Variants in KCNT2 observed in about 807,000 individuals in gnomAD.
KCNT2 encodes potassium sodium-activated channel subfamily T member 2.
Under a neutral mutation model 153.8 loss-of-function variants are expected in KCNT2, and 67 were observed. The observed-to-expected ratio is 0.44, with a 90% CI of 0.36 to 0.53. The LOEUF is 0.53. KCNT2 is among the 20% of genes least tolerant of loss of function. KCNT2 has a pLI of 0.00. For synonymous variants in KCNT2, 500 were observed against 458.8 expected (o/e 1.09, Z -1.15); for missense variants, 975 against 1,354.8 (o/e 0.72, Z 4.40).
chr1:196,567,849 AC>A (rs1660295629), intron 1 of KCNT2, among the ~76,000 whole-genome samples: 1 of 152,198 alleles, frequency 6.6e-6, no homozygotes, highest in African/African-American at 2.4e-5. Flanking sequence ...CAGTACTGGA[AC>A]CTTTCTTTAT....
chr1:196,431,583 G>C (rs1032192437), intron 8 of KCNT2, among the ~76,000 whole-genome samples: 1 of 152,174 alleles, frequency 6.6e-6, no homozygotes, highest in African/African-American at 2.4e-5. Flanking sequence ...TTACAAAGTG[G>C]TAAAACTTGG....
intron 25 of KCNT2, among the ~76,000 whole-genome samples, chr1:196,267,826 G>A (rs1319366879): frequency 6.6e-6 from 1 of 152,072 alleles, no homozygotes; most frequent in African/African-American, 2.4e-5. Context: ...ATAGGAAAGG[G>A]CCAAACTTGG....
intron 5 of KCNT2, among the ~76,000 whole-genome samples, chr1:196,470,244 C>A (rs1572562537): frequency 6.6e-6 from 1 of 152,146 alleles, no homozygotes; most frequent in South Asian, 2.1e-4. Flanking sequence ...GGAACCAAAC[C>A]ACTTAACTTG....
At chr1:196,414,438 G>A (rs1054181857) in intron 12 of KCNT2, among the ~76,000 whole-genome samples, 1 of 151,674 alleles carries the variant, frequency 6.6e-6, no homozygotes, top group Non-Finnish European at 1.5e-5. Context: ...TGTTATTCTT[G>A]GAATTGAGGC....
intron 25 of KCNT2, among the ~76,000 whole-genome samples, chr1:196,265,356 G>C (rs1657441984): frequency 6.6e-6 from 1 of 152,124 alleles, no homozygotes; most frequent in Non-Finnish European, 1.5e-5. Context: ...CCAAGTTTCT[G>C]TTTAGAATTA....
chr1:196,400,389 G>T (rs1334821256), intron 12 of KCNT2, among the ~76,000 whole-genome samples: 1 of 151,406 alleles, frequency 6.6e-6, no homozygotes, highest in Non-Finnish European at 1.5e-5. Context: ...CCATTCTAGG[G>T]GTTTTAATCC....
chr1:196,234,197 A>AT (rs1167494217), intron 27 of KCNT2, among the ~76,000 whole-genome samples: 7 of 151,334 alleles, frequency 4.6e-5, no homozygotes, highest in Non-Finnish European at 1.0e-4. Flanking sequence ...TATATCAATA[A>AT]ACTTAATTAA....
At chr1:196,299,775 G>A (rs960388264) in intron 22 of KCNT2, among the ~76,000 whole-genome samples, 1 of 152,070 alleles carries the variant, frequency 6.6e-6, no homozygotes, top group African/African-American at 2.4e-5. Context: ...AAGAAAATTA[G>A]TATTTCAAAG....
intron 8 of KCNT2, among the ~76,000 whole-genome samples, chr1:196,446,316 A>G (rs1038419302): frequency 2.0e-5 from 3 of 151,524 alleles, no homozygotes; most frequent in Non-Finnish European, 4.4e-5. Flanking sequence ...AATAACATTT[A>G]ACGGTCATTA....
chr1:196,596,002 C>T (rs1233451213), intron 1 of KCNT2, among the ~76,000 whole-genome samples: 2 of 149,314 alleles, frequency 1.3e-5, no homozygotes, highest in African/African-American at 2.6e-5. Flanking sequence ...ATCCAAGTTG[C>T]TCCAAAAGAC....
At chr1:196,366,304 C>T (rs997424376) in intron 14 of KCNT2, among the ~76,000 whole-genome samples, 2 of 151,888 alleles carry the variant, frequency 1.3e-5, no homozygotes, top group Non-Finnish European at 2.9e-5. Context: ...GGATTACAGG[C>T]ATGCACCACC....
chr1:196,500,564 G>C (rs1204492898), intron 1 of KCNT2, among the ~76,000 whole-genome samples: 1 of 152,184 alleles, frequency 6.6e-6, no homozygotes, highest in African/African-American at 2.4e-5. Flanking sequence ...TAAATAGTGG[G>C]ACATGTTTGT....
At chr1:196,421,146 A>G (rs1485666520) in intron 12 of KCNT2, among the ~76,000 whole-genome samples, 1 of 152,018 alleles carries the variant, frequency 6.6e-6, no homozygotes, top group Non-Finnish European at 1.5e-5. Context: ...AGCTTGCAAA[A>G]TTATTATTAA....
At chr1:196,316,079 T>A (rs1662686960) in intron 20 of KCNT2, 53 bp from the exon 21 acceptor site, 2 of 1,535,274 alleles carry the variant, frequency 1.3e-6, no homozygotes, top group African/African-American at 1.4e-5. Flanking sequence ...CACAATGTTA[T>A]AATCAGTGCT....
intron 1 of KCNT2, among the ~76,000 whole-genome samples, chr1:196,582,768 A>C (rs1662219270): frequency 6.6e-6 from 1 of 152,094 alleles, no homozygotes; most frequent in South Asian, 2.1e-4. Flanking sequence ...GATACAGATG[A>C]ACCATGTCAC....
At chr1:196,606,537 T>C (rs377651289) in intron 1 of KCNT2, among the ~76,000 whole-genome samples, 1 of 152,230 alleles carries the variant, frequency 6.6e-6, no homozygotes, top group Non-Finnish European at 1.5e-5. Context: ...TTTTTTAATA[T>C]GGCACTGATC....
intron 1 of KCNT2, among the ~76,000 whole-genome samples, chr1:196,586,635 A>G (rs1662715701): frequency 6.6e-6 from 1 of 151,988 alleles, no homozygotes; most frequent in African/African-American, 2.4e-5. Flanking sequence ...ACTATGAAAC[A>G]TGAGTTTTCA....
intron 12 of KCNT2, among the ~76,000 whole-genome samples, chr1:196,417,880 G>A (rs1672879240): frequency 6.6e-6 from 1 of 152,076 alleles, no homozygotes; most frequent in Non-Finnish European, 1.5e-5. Flanking sequence ...CAGCTATGAT[G>A]TCACTAGGCA....
At chr1:196,514,422 C>A (rs1196243943) in intron 1 of KCNT2, among the ~76,000 whole-genome samples, 1 of 152,120 alleles carries the variant, frequency 6.6e-6, no homozygotes, top group Non-Finnish European at 1.5e-5. Context: ...TCAGCCTTCC[C>A]CTCAGTAGTC....
Sources: gnomAD v4.1 joint callset for allele counts (sites outside exome capture counted in the v4.1 genomes callset) on GRCh38, gnomAD v4.1.1 for gene constraint, MANE v1.5 for transcripts, NCBI Gene and HGNC (gene_info 2026-07-23, HGNC 2026-07-21) for gene names.